APH1B: variants seen among roughly 807,000 people sequenced by gnomAD.
The protein encoded by APH1B is gamma-secretase subunit APH-1B.
Under a neutral mutation model 28.2 loss-of-function variants are expected in APH1B, and 27 were observed. That is an observed-to-expected ratio of 0.96 (90% CI 0.70 to 1.32). The LOEUF is 1.32. Among genes scored for constraint, APH1B ranks in the 40% most tolerant of loss-of-function variants. The probability of loss-of-function intolerance (pLI) is 0.00; values close to 1 mark genes in which losing one functional copy is unlikely to be tolerated. For synonymous variants in APH1B, 141 were observed against 124.6 expected, an observed-to-expected ratio of 1.13 and a Z score of -0.88; for missense variants, 305 against 313.6, an observed-to-expected ratio of 0.97 and a Z score of 0.21.
chr15:63,286,501 T>C, intron 2 of APH1B, 57 bp from the exon 3 acceptor site: 1 of 1,426,966 alleles, frequency 7.0e-7, no homozygotes, highest in South Asian at 1.3e-5. Context: ...TCCTGATATA[T>C]TGCTCTTCCT....
At chr15:63,288,191 A>C (rs889522052) in intron 4 of APH1B, among the ~76,000 whole-genome samples, 4 of 152,242 alleles carry the variant, frequency 2.6e-5, no homozygotes, top group Non-Finnish European at 4.4e-5. Flanking sequence ...CAGTTATGCC[A>C]TTGAAATAAC....
chr15:63,298,142 G>A (rs1462509090), intron 4 of APH1B, among the ~76,000 whole-genome samples: 3 of 152,240 alleles, frequency 2.0e-5, no homozygotes, highest in Admixed American at 6.5e-5. Context: ...GAAAATAAAT[G>A]TAAGAGTAAT....
chr15:63,301,006 C>T lies in APH1B; in HGVS notation c.479-1339C>T, dbSNP rs957559183. ...TATATGCTCCTTGTGCAGATGTGTA[C>T]GTTTCTCTAGAGCAATGGCTCTGAA... On this transcript the variant is annotated intron_variant, in intron 4 of 5. Transcript: ENST00000261879. Among the ~76,000 whole-genome samples the T allele has an allele frequency of 9.9e-5, 15 of 152,172 alleles. 1 individual carries two copies. Among genetic ancestry groups the T allele is most frequent in the African/African-American group, 3.4e-4 (14 of 41,438 alleles).
intron 4 of APH1B, among the ~76,000 whole-genome samples, chr15:63,294,034 T>A (rs1162755938): frequency 6.6e-6 from 1 of 152,070 alleles, no homozygotes; most frequent in Admixed American, 6.6e-5. Context: ...TGAAATGCTG[T>A]ACCTAGCCAC....
Position 63,277,733 on chromosome 15 carries a change from C to T in APH1B, c.110C>T (p.Ala37Val), listed in dbSNP as rs1285108399. 1.2e-6 allele frequency: 2 copies of T among 1,609,574 alleles called. No individual in the cohort carries two copies. Residue 37 changes from alanine to valine, a missense_variant, in exon 1 of 6, where the codon GCC becomes GTC. By Grantham distance (64) the Ala-to-Val change is moderately conservative. Coordinates refer to ENST00000261879, the MANE Select transcript of APH1B (RefSeq NM_031301.4). ...CCGTTGCGTATCATCTTCCTCATCG[C>T]CGGGTGAGGCGGTCGCGTCGGGAAA... ...TEPLRIIFLI[A>V]GAFFWLVSLL...
chr15:63,279,106 C>T, intron 1 of APH1B, 55 bp from the exon 2 acceptor site: 1 of 1,198,842 alleles, frequency 8.3e-7, no homozygotes, highest in East Asian at 2.8e-5. Flanking sequence ...TGCTTTTAAA[C>T]ATTATTAATC....
At chr15:63,290,601 G>A (rs1464042760) in intron 4 of APH1B, among the ~76,000 whole-genome samples, 1 of 152,228 alleles carries the variant, frequency 6.6e-6, no homozygotes, top group Non-Finnish European at 1.5e-5. Context: ...AGTGAAATGA[G>A]GAAGAGCCAT....
rs1198221759 is a variant in APH1B at position 63,277,631 on chromosome 15, C to T, written c.8C>T (p.Ala3Val). The change falls in exon 1 of 6, where the codon GCG (alanine) becomes GTG (valine). Residue 3 changes from alanine (A) to valine (V), a missense_variant. Transcript: ENST00000261879. Reference protein sequence around the residue: MTAAVFFGCAFIA... With the variant: MTVAVFFGCAFIA... The stretch of plus-strand genomic sequence containing the variant: ...TCGGTTTCCGCGGTGGCCATGACTG[C>T]GGCCGTGTTCTTCGGCTGCGCCTTC... 1.9e-6 allele frequency: 3 copies of T among 1,587,126 alleles called. No individual in the cohort carries two copies. The highest frequency in any genetic ancestry group is 1.8e-5 in the Admixed American group (1 of 56,882).
rs2038709009 is a variant in APH1B at position 63,308,420 on chromosome 15, C to G, written c.*2639C>G. ...ATAGCAGCAGCCTCTTTTAGAGCATCTTAATGAAAACATGGATGAAAGGAA... is the reference window on the plus strand; with the variant it reads ...ATAGCAGCAGCCTCTTTTAGAGCATGTTAATGAAAACATGGATGAAAGGAA... On this transcript the variant is annotated 3_prime_UTR_variant, in exon 6 of 6. Coordinates refer to ENST00000261879, the MANE Select transcript of APH1B (RefSeq NM_031301.4). The G allele has an allele frequency of 6.6e-6, 1 of 152,196 alleles. No individual in the cohort carries two copies. The highest frequency in any genetic ancestry group is 1.5e-5 in the Non-Finnish European group (1 of 68,046). 9.4% of individuals were successfully genotyped at this position (152,196 alleles called of 1,614,324 possible).
chr15:63,285,338 T>C (rs2038434122), intron 2 of APH1B, among the ~76,000 whole-genome samples: 1 of 152,266 alleles, frequency 6.6e-6, no homozygotes, highest in Non-Finnish European at 1.5e-5. Flanking sequence ...TTTAATTGTC[T>C]ATTCTTAGAG....
chr15:63,299,105 T>C (rs949387628), intron 4 of APH1B, among the ~76,000 whole-genome samples: 2 of 152,124 alleles, frequency 1.3e-5, no homozygotes, highest in African/African-American at 4.8e-5. Flanking sequence ...GAAGAAGAGT[T>C]CTGGTTTTCT....
At chr15:63,301,497 A>G (rs1369443998) in intron 4 of APH1B, among the ~76,000 whole-genome samples, 2 of 152,248 alleles carry the variant, frequency 1.3e-5, no homozygotes, top group Middle Eastern at 3.2e-3. Flanking sequence ...AGTGTTCCCC[A>G]GAAAAAACCT....
intron 4 of APH1B, among the ~76,000 whole-genome samples, chr15:63,296,437 G>A (rs1401913344): frequency 2.0e-5 from 3 of 152,222 alleles, no homozygotes; most frequent in South Asian, 2.1e-4. Flanking sequence ...TACCCTGCCC[G>A]TGTTAGGGGA....
At chr15:63,291,662 AT>A (rs2038508101) in intron 4 of APH1B, 1 of 152,172 alleles carries the variant, frequency 6.6e-6, no homozygotes, top group Admixed American at 6.5e-5. Context: ...GTGGGAGATT[AT>A]TTTTGTCCCA....
Position 63,304,611 on chromosome 15 carries a change from G to T in APH1B, c.607-1003G>T, listed in dbSNP as rs976402976. Among the ~76,000 whole-genome samples, 2 of 151,866 alleles carry T rather than the reference G, an allele frequency of 1.3e-5. No homozygotes were observed. The highest frequency in any genetic ancestry group is 4.8e-5 in the African/African-American group (2 of 41,314). On this transcript the variant is annotated intron_variant, in intron 5 of 5. Transcript: ENST00000261879. The surrounding 1 kb of genome is among the most constrained non-coding windows in gnomAD (Gnocchi z 5.1). Reference sequence around the variant, plus strand: ...TAGTCTGATCAGTTTTTCTCTTTATGGTTTCACTTTTTGAGCTTTTTAATA... The same window carrying T: ...TAGTCTGATCAGTTTTTCTCTTTATTGTTTCACTTTTTGAGCTTTTTAATA...
At chr15:63,302,590 G>A (rs1487563326) in intron 5 of APH1B, 118 bp downstream of exon 5, 5 of 1,367,716 alleles carry the variant, frequency 3.7e-6, no homozygotes, top group African/African-American at 1.5e-5. Flanking sequence ...ATTCAGAAAA[G>A]CTATTTAAGT....
chr15:63,282,302 G>C (rs112141200), intron 2 of APH1B, among the ~76,000 whole-genome samples: 2,026 of 152,234 alleles, frequency 0.013, 35 homozygotes, highest in African/African-American at 0.047. Flanking sequence ...TCAGAATTTG[G>C]TGCCAAGATT....
intron 1 of APH1B, 193 bp downstream of exon 1, chr15:63,277,929 G>T: frequency 3.4e-6 from 2 of 595,712 alleles, no homozygotes; most frequent in South Asian, 2.1e-5. Flanking sequence ...GCACACTGGG[G>T]GTCAGGGCCT....
chr15:63,278,064 A>T, intron 1 of APH1B: 1 of 390,552 alleles, frequency 2.6e-6, no homozygotes, highest in South Asian at 2.3e-5. Context: ...AATTTCCCTC[A>T]GATTCTCAAA....
Sources: gnomAD v4.1 joint callset for allele counts (sites outside exome capture counted in the v4.1 genomes callset) on GRCh38, gnomAD v4.1.1 for gene constraint, Gnocchi (gnomAD v3.1) non-coding constraint, MANE v1.5 for transcripts, NCBI Gene and HGNC (gene_info 2026-07-23, HGNC 2026-07-21) for gene names.